PTPRO: variants seen among roughly 807,000 people sequenced by gnomAD.
The protein encoded by PTPRO is protein tyrosine phosphatase receptor type O.
In PTPRO, 62 loss-of-function variants were observed where a neutral mutation model predicts 145.2. The ratio of observed to expected loss-of-function variants is 0.43; its 90% CI spans 0.35 to 0.53. The LOEUF is 0.53. Ranked by LOEUF, PTPRO falls within the 20% of genes least tolerant of loss-of-function variation. PTPRO has a pLI of 0.01. For missense variants in PTPRO, 1,345 were observed against 1,482.7 expected (o/e 0.91, Z 1.53); for synonymous variants, 565 against 514.7 (o/e 1.10, Z -1.32).
At chr12:15,355,653 C>G (rs1027410427) in intron 1 of PTPRO, among the ~76,000 whole-genome samples, 7 of 152,080 alleles carry the variant, frequency 4.6e-5, no homozygotes, top group Non-Finnish European at 8.8e-5. Context: ...AATTTTGCCC[C>G]CCAAAATAGA....
intron 1 of PTPRO, among the ~76,000 whole-genome samples, chr12:15,354,897 T>TA (rs767278027): frequency 6.6e-6 from 1 of 152,204 alleles, no homozygotes; most frequent in Non-Finnish European, 1.5e-5. Flanking sequence ...TGTATATTTT[T>TA]ACCGTATTTT....
At chr12:15,580,660 G>A (rs1214346324) in intron 21 of PTPRO, 37 bp from the exon 22 acceptor site, 2 of 1,613,602 alleles carry the variant, frequency 1.2e-6, no homozygotes, top group African/African-American at 1.3e-5. Flanking sequence ...TGTTGACAGT[G>A]TCTGGTTAGG....
intron 11 of PTPRO, among the ~76,000 whole-genome samples, chr12:15,525,291 C>A (rs1035926800): frequency 6.6e-6 from 1 of 152,166 alleles, no homozygotes; most frequent in African/African-American, 2.4e-5. Flanking sequence ...ATATCACCGA[C>A]ACCTAAAGAT....
intron 1 of PTPRO, among the ~76,000 whole-genome samples, chr12:15,400,364 A>G (rs1311649116): frequency 6.6e-6 from 1 of 152,182 alleles, no homozygotes; most frequent in Non-Finnish European, 1.5e-5. Flanking sequence ...AACCCCCAGC[A>G]GCCTCACCTG....
chr12:15,568,193 G>T (rs1305254931), intron 18 of PTPRO, among the ~76,000 whole-genome samples: 1 of 152,134 alleles, frequency 6.6e-6, no homozygotes, highest in African/African-American at 2.4e-5. Flanking sequence ...ACTTTGGGAG[G>T]CTGAGGCAGG....
chr12:15,375,760 CAAAAAA>C (rs529757376), intron 1 of PTPRO, among the ~76,000 whole-genome samples: 2 of 84,624 alleles, frequency 2.4e-5, no homozygotes, highest in African/African-American at 4.5e-5. Flanking sequence ...TGTCCCCCAC[CAAAAAA>C]AAAAAAAAAA....
At chr12:15,347,888 G>A (rs1338555509) in intron 1 of PTPRO, among the ~76,000 whole-genome samples, 1 of 152,084 alleles carries the variant, frequency 6.6e-6, no homozygotes, top group East Asian at 1.9e-4. Context: ...GAGAATACCA[G>A]ATTATACAAT....
chr12:15,399,774 G>A (rs980026264), intron 1 of PTPRO, among the ~76,000 whole-genome samples: 3 of 151,860 alleles, frequency 2.0e-5, no homozygotes, highest in Admixed American at 6.6e-5. Flanking sequence ...CCTTTGGCCC[G>A]GCACAGTGGC....
At chr12:15,335,954 G>T (rs1028786940) in intron 1 of PTPRO, among the ~76,000 whole-genome samples, 2 of 152,016 alleles carry the variant, frequency 1.3e-5, no homozygotes, top group African/African-American at 4.8e-5. Context: ...CCTTCAATTA[G>T]CCTCTTTACT....
intron 1 of PTPRO, chr12:15,440,068 C>G (rs1415109827): frequency 7.8e-6 from 5 of 638,474 alleles, no homozygotes; most frequent in East Asian, 5.7e-5. Context: ...CTGTCCCTTG[C>G]AAGGTGACAG....
intron 9 of PTPRO, among the ~76,000 whole-genome samples, chr12:15,519,213 A>G (rs1258384541): frequency 6.6e-6 from 1 of 152,142 alleles, no homozygotes; most frequent in Non-Finnish European, 1.5e-5. Flanking sequence ...TCCCCCTTAC[A>G]ATAGCCATCA....
At chr12:15,493,741 T>C (rs571904636) in intron 2 of PTPRO, among the ~76,000 whole-genome samples, 1 of 152,308 alleles carries the variant, frequency 6.6e-6, no homozygotes, top group South Asian at 2.1e-4. Flanking sequence ...TTAGAAAACT[T>C]TCTGAGGCTA....
intron 9 of PTPRO, among the ~76,000 whole-genome samples, chr12:15,517,908 G>A (rs1024916552): frequency 6.6e-6 from 1 of 152,192 alleles, no homozygotes; most frequent in East Asian, 1.9e-4. Context: ...CACAGTGCAA[G>A]CTGTCAGTGG....
chr12:15,440,512 G>A (rs560221162), intron 1 of PTPRO: 35 of 174,754 alleles, frequency 2.0e-4, no homozygotes, highest in Non-Finnish European at 3.0e-4. Context: ...ACACCCACAG[G>A]CTCAAAGTAC....
Position 15,555,202 on chromosome 12 carries a change from C to T in PTPRO, c.2559-2253C>T, listed in dbSNP as rs141056776. Among the ~76,000 whole-genome samples the T allele has an allele frequency of 4.5e-4, 68 of 152,154 alleles. No homozygotes were observed. The East Asian group carries it at 0.012, about 28-fold the overall frequency. Reference sequence around the variant, plus strand: ...GCAGTGAGCTGAGATCGTGCCACTGCACTCCAGCCTGGGCGACGACTGAGT... The same window carrying T: ...GCAGTGAGCTGAGATCGTGCCACTGTACTCCAGCCTGGGCGACGACTGAGT... On this transcript the variant is annotated intron_variant, in intron 15 of 26. Transcript: ENST00000281171.
At chr12:15,398,597 A>G (rs1358034452) in intron 1 of PTPRO, among the ~76,000 whole-genome samples, 1 of 152,176 alleles carries the variant, frequency 6.6e-6, no homozygotes, top group African/African-American at 2.4e-5. Flanking sequence ...TAACTTGCCT[A>G]AATGCCTAAG....
chr12:15,564,351 T>C (rs747483862), intron 17 of PTPRO, among the ~76,000 whole-genome samples: 2 of 152,198 alleles, frequency 1.3e-5, no homozygotes, highest in African/African-American at 4.8e-5. Flanking sequence ...TAGTATTCAA[T>C]TGTTAAAGGA....
At chr12:15,415,040 A>G (rs1939908401) in intron 1 of PTPRO, among the ~76,000 whole-genome samples, 1 of 152,224 alleles carries the variant, frequency 6.6e-6, no homozygotes. Flanking sequence ...TATTTCATGC[A>G]TGGGACGTTC....
At chr12:15,488,499 T>C (rs1187167377) in intron 2 of PTPRO, among the ~76,000 whole-genome samples, 4 of 152,246 alleles carry the variant, frequency 2.6e-5, no homozygotes, top group African/African-American at 9.6e-5. Flanking sequence ...TTTTGCCATC[T>C]TTATTTTTCT....
Sources: gnomAD v4.1 joint callset for allele counts (sites outside exome capture counted in the v4.1 genomes callset) on GRCh38, gnomAD v4.1.1 for gene constraint, MANE v1.5 for transcripts, NCBI Gene and HGNC (gene_info 2026-07-23, HGNC 2026-07-21) for gene names.